Variants in DYTN observed in about 807,000 individuals in gnomAD.
The protein encoded by DYTN is dystrotelin.
DYTN carries 75 observed loss-of-function variants against 69.6 expected under a neutral mutation model. The ratio of observed to expected loss-of-function variants is 1.08; its 90% CI spans 0.89 to 1.31. The LOEUF is 1.31. Ranked by LOEUF, DYTN falls within the 50% of genes most tolerant of loss-of-function variation. The probability of loss-of-function intolerance (pLI) is 0.00; values close to 1 mark genes in which losing one functional copy is unlikely to be tolerated. For missense variants in DYTN, 726 were observed against 688.4 expected, an observed-to-expected ratio of 1.05 and a Z score of -0.61; for synonymous variants, 252 against 249.1, an observed-to-expected ratio of 1.01 and a Z score of -0.11.
intron 9 of DYTN, among the ~76,000 whole-genome samples, chr2:206,677,090 G>C (rs1699698679): frequency 6.6e-6 from 1 of 152,082 alleles, no homozygotes; most frequent in African/African-American, 2.4e-5. Context: ...GGGATTACCG[G>C]AGTGTGCCAC....
chr2:206,713,931 G>A (rs1700103029), intron 1 of DYTN, among the ~76,000 whole-genome samples: 1 of 152,208 alleles, frequency 6.6e-6, no homozygotes, highest in African/African-American at 2.4e-5. Context: ...GGTGTGCTGG[G>A]GAGTTTTGTG....
chr2:206,692,591 T>G (rs1699876646), intron 9 of DYTN, among the ~76,000 whole-genome samples: 1 of 152,184 alleles, frequency 6.6e-6, no homozygotes, highest in Admixed American at 6.5e-5. Context: ...GGGGCAACAT[T>G]TGGAAATAGC....
In DYTN at chr2:206,692,728, T is replaced by C. The variant is rs556283506; in HGVS notation, c.980+447A>G. On this transcript the variant is annotated intron_variant, in intron 9 of 11. Transcript: ENST00000452335. The stretch of plus-strand genomic sequence containing the variant: ...TGTATCTATAGCATAATCCCTGTTT[T>C]GGTTAATCTCTGTTTCACACTAAAA... Among the ~76,000 whole-genome samples the C allele has an allele frequency of 3.6e-3, 554 of 152,186 alleles. 4 individuals are homozygous for C. Among genetic ancestry groups the C allele is most frequent in the Non-Finnish European group, 5.9e-3 (400 of 68,002 alleles).
chr2:206,694,089 C>G (rs1157829526), intron 8 of DYTN, among the ~76,000 whole-genome samples: 4 of 152,118 alleles, frequency 2.6e-5, no homozygotes, highest in African/African-American at 9.7e-5. Flanking sequence ...GAGGAGGTTG[C>G]CATCTGTGTG....
At chr2:206,657,169 G>T (rs1414793961) in intron 11 of DYTN, among the ~76,000 whole-genome samples, 1 of 152,074 alleles carries the variant, frequency 6.6e-6, no homozygotes, top group Non-Finnish European at 1.5e-5. Context: ...AGAATGGAGT[G>T]CAGTGGTGTG....
chr2:206,702,166 G>A (rs1699983181), intron 5 of DYTN, among the ~76,000 whole-genome samples: 1 of 152,168 alleles, frequency 6.6e-6, no homozygotes, highest in African/African-American at 2.4e-5. Context: ...TTCAATTAAG[G>A]CACTAAGAAC....
At chr2:206,671,917 G>GA (rs1699633409) in intron 9 of DYTN, among the ~76,000 whole-genome samples, 1 of 152,212 alleles carries the variant, frequency 6.6e-6, no homozygotes, top group African/African-American at 2.4e-5. Context: ...TCTTCAAAAT[G>GA]AAAAGCAATG....
chr2:206,693,356 C>T (rs1699885805), intron 8 of DYTN, 33 bp from the exon 9 acceptor site: 1 of 1,603,616 alleles, frequency 6.2e-7, no homozygotes. Flanking sequence ...TAAAAAGCGT[C>T]AGATCAGTCT....
At chr2:206,684,787 A>G (rs1039914172) in intron 9 of DYTN, among the ~76,000 whole-genome samples, 2 of 152,098 alleles carry the variant, frequency 1.3e-5, no homozygotes, top group Non-Finnish European at 2.9e-5. Context: ...CTTAGAAAGT[A>G]TAGCCTCTTT....
In DYTN at chr2:206,663,062, G is replaced by A; in HGVS notation, c.1474C>T (p.Pro492Ser). Residue 492 changes from proline to serine, a missense_variant, in exon 11 of 12, where the codon CCC (proline) becomes TCC (serine). By Grantham distance (74) the Pro-to-Ser change is moderately conservative. Coordinates refer to ENST00000452335, the MANE Select transcript of DYTN (RefSeq NM_001093730.1). ...CTCATTTCAGCAGGAACCATTTTGG[G>A]GATGTCCTGCTTCAGTCCCTCCTGA... ...SYQEGLKQDI[P>S]KMVPAEMSSP... The A allele has an allele frequency of 6.2e-7, 1 of 1,613,818 alleles. No individual in the cohort carries two copies. The highest frequency in any genetic ancestry group is 8.5e-7 in the Non-Finnish European group (1 of 1,179,870).
At chr2:206,684,396 C>T (rs573409046) in intron 9 of DYTN, among the ~76,000 whole-genome samples, 4 of 152,326 alleles carry the variant, frequency 2.6e-5, no homozygotes, top group Non-Finnish European at 5.9e-5. Flanking sequence ...CATTGACCCC[C>T]TGGACTCCAG....
chr2:206,665,780 A>C, intron 10 of DYTN, 90 bp downstream of exon 10: 1 of 1,489,080 alleles, frequency 6.7e-7, no homozygotes. Context: ...AGGCTGATCA[A>C]AGTAAGGTGG....
Position 206,666,706 on chromosome 2 carries a change from C to T in DYTN, c.981-677G>A, listed in dbSNP as rs545976949. On this transcript the variant is annotated intron_variant, in intron 9 of 11. Coordinates refer to ENST00000452335, the MANE Select transcript of DYTN (RefSeq NM_001093730.1). ...GTTGTTCATTGGTTTAAGAATGAAC[C>T]AAGAAGTTGGGTGCACTCACTCATG... Among the ~76,000 whole-genome samples, 5 of 151,302 alleles carry T rather than the reference C, an allele frequency of 3.3e-5. No individual in the cohort carries two copies. In the East Asian group the frequency reaches 9.9e-4, roughly 30 times the overall value.
chr2:206,694,932 A>AG, intron 7 of DYTN, 55 bp from the exon 8 acceptor site: 1 of 1,330,670 alleles, frequency 7.5e-7, no homozygotes, highest in Non-Finnish European at 1.0e-6. Flanking sequence ...GAAAAAAAAA[A>AG]AAAAAAGAAT....
At chr2:206,660,728 T>A (rs780070892) in intron 11 of DYTN, among the ~76,000 whole-genome samples, 14 of 152,214 alleles carry the variant, frequency 9.2e-5, no homozygotes, top group Non-Finnish European at 2.1e-4. Flanking sequence ...ACTTCTGGCA[T>A]CTTTCTGAAC....
chr2:206,705,936 A>G (rs959112810), intron 3 of DYTN, 63 bp from the exon 4 acceptor site: 99 of 1,555,584 alleles, frequency 6.4e-5, no homozygotes, highest in Non-Finnish European at 8.3e-5. Context: ...GGTGTAATGG[A>G]TGATAAAAAC....
intron 9 of DYTN, among the ~76,000 whole-genome samples, chr2:206,684,537 T>C (rs930459041): frequency 6.6e-6 from 1 of 152,174 alleles, no homozygotes; most frequent in Non-Finnish European, 1.5e-5. Context: ...ATTCCTGGCC[T>C]CAAGTGATCC....
In DYTN at chr2:206,694,863, T is replaced by C. The variant is rs770307108; in HGVS notation, c.734A>G (p.Lys245Arg). The change falls in exon 8 of 12, where the codon AAG becomes AGG. Residue 245 changes from lysine to arginine, a missense_variant. By Grantham distance (26) the Lys-to-Arg change is conservative (BLOSUM62 2). Transcript: ENST00000452335. ...CTGGCAGATGTCAAAGTTGAGACAC[T>C]TCAGACAGCGGTATCTGCCAGTTAA... ...PITGLRYRCL[K>R]CLNFDICQMC... 2 of 1,603,860 alleles carry C rather than the reference T, an allele frequency of 1.2e-6. No individual in the cohort carries two copies. Among genetic ancestry groups the C allele is most frequent in the Non-Finnish European group, 1.7e-6 (2 of 1,176,558 alleles).
In DYTN at chr2:206,706,049, C is replaced by T. The variant is rs192190480; in HGVS notation, c.297-176G>A. Among the ~76,000 whole-genome samples the T allele has an allele frequency of 2.0e-5, 3 of 152,320 alleles. No homozygotes were observed. The East Asian group carries it at 5.8e-4, about 29-fold the overall frequency. ...TTAGCAGAACAGAGCATTGAATTAA[C>T]ATATTTCACCAGTCATTTATTTGTT... On this transcript the variant is annotated intron_variant, in intron 3 of 11. Coordinates refer to ENST00000452335, the MANE Select transcript of DYTN (RefSeq NM_001093730.1).
Sources: gnomAD v4.1 joint callset for allele counts (sites outside exome capture counted in the v4.1 genomes callset) on GRCh38, gnomAD v4.1.1 for gene constraint, MANE v1.5 for transcripts, NCBI Gene and HGNC (gene_info 2026-07-23, HGNC 2026-07-21) for gene names.